Variants in CLTCL1 observed in about 807,000 individuals in gnomAD.
CLTCL1 encodes the protein clathrin heavy chain 2.
In CLTCL1, 159 loss-of-function variants were observed where a neutral mutation model predicts 190.0. The ratio of observed to expected loss-of-function variants is 0.84; its 90% CI spans 0.74 to 0.95. The LOEUF is 0.95. Among genes scored for constraint, CLTCL1 ranks in the 40% least tolerant of loss-of-function variants. The probability of loss-of-function intolerance (pLI) is 0.00; values close to 1 mark genes in which losing one functional copy is unlikely to be tolerated. For missense variants in CLTCL1, 1,878 were observed against 2,033.4 expected, an observed-to-expected ratio of 0.92 and a Z score of 1.47; for synonymous variants, 752 against 769.6, an observed-to-expected ratio of 0.98 and a Z score of 0.38.
At chr22:19,220,598 C>T (rs1475691702) in intron 17 of CLTCL1, among the ~76,000 whole-genome samples, 1 of 152,198 alleles carries the variant, frequency 6.6e-6, no homozygotes, top group African/African-American at 2.4e-5. Flanking sequence ...CTAGCGTGTG[C>T]AGCACTTGCT....
intron 4 of CLTCL1, among the ~76,000 whole-genome samples, chr22:19,239,683 G>A (rs2145928958): frequency 6.6e-6 from 1 of 152,332 alleles, no homozygotes; most frequent in African/African-American, 2.4e-5. Flanking sequence ...ATGAAACAAA[G>A]GGCTCCAGTC....
chr22:19,191,985 C>T (rs192802442), intron 26 of CLTCL1, among the ~76,000 whole-genome samples: 164 of 151,774 alleles, frequency 1.1e-3, no homozygotes, highest in Middle Eastern at 3.4e-3. Context: ...TCCTGGGTCT[C>T]GAGATTTGGC....
Position 19,234,716 on chromosome 22 carries a change from C to T in CLTCL1, c.970-10G>A, listed in dbSNP as rs782047114. 70 of 1,612,266 alleles carry T rather than the reference C, an allele frequency of 4.3e-5. No homozygotes were observed. Among genetic ancestry groups the T allele is most frequent in the Non-Finnish European group, 5.6e-5 (66 of 1,178,656 alleles). On this transcript the variant is annotated splice_polypyrimidine_tract_variant and intron_variant, in intron 6 of 32. Transcript: ENST00000427926. ...CACAAACTGACAGTACCTGTAAGGA[C>T]ACAACAAGTGAGAGCAGCCCGGCCT...
chr22:19,180,707 T>C (rs1601412749), intron 31 of CLTCL1, 24 bp downstream of exon 31: 4 of 1,611,390 alleles, frequency 2.5e-6, no homozygotes, highest in African/African-American at 2.7e-5. Flanking sequence ...CCCCAGGGGG[T>C]TGGGGGCTAC....
chr22:19,241,644 T>A lies in CLTCL1; in HGVS notation c.681+1131A>T, dbSNP rs116589714. On this transcript the variant is annotated intron_variant, in intron 4 of 32. Coordinates refer to ENST00000427926, the MANE Select transcript of CLTCL1 (RefSeq NM_007098.4). ...GAGAAAGTGTTTTTCACAAGACGAC[T>A]GTCTTGAAGCAGCTCTCCAAGTGGC... 5.7e-3 allele frequency among the ~76,000 whole-genome samples: 865 copies of A among 152,342 alleles called. 11 individuals carry two copies. The highest frequency in any genetic ancestry group is 0.019 in the African/African-American group (778 of 41,578).
intron 16 of CLTCL1, 129 bp downstream of exon 16, chr22:19,221,822 A>G: frequency 9.3e-7 from 1 of 1,072,928 alleles, no homozygotes; most frequent in Non-Finnish European, 1.3e-6. Context: ...ATAGCAAGTA[A>G]CTCATTGCTA....
At chr22:19,256,628 G>A (rs1160883344) in intron 2 of CLTCL1, among the ~76,000 whole-genome samples, 3 of 151,456 alleles carry the variant, frequency 2.0e-5, no homozygotes, top group African/African-American at 7.3e-5. Context: ...AAAGTGCTGG[G>A]ATTATAGGCG....
chr22:19,264,366 T>C (rs955592963), intron 2 of CLTCL1, among the ~76,000 whole-genome samples: 2 of 151,906 alleles, frequency 1.3e-5, no homozygotes, highest in Non-Finnish European at 2.9e-5. Flanking sequence ...GTGCAACCAC[T>C]ATAGAAAAGA....
At chr22:19,187,929 G>T in intron 28 of CLTCL1, 52 bp downstream of exon 28, 1 of 1,541,166 alleles carries the variant, frequency 6.5e-7, no homozygotes, top group African/African-American at 1.4e-5. Context: ...AATGGCAGTT[G>T]CAGGGGAGGA....
At chr22:19,291,473 A>T in intron 1 of CLTCL1, 127 bp downstream of exon 1, 2 of 873,242 alleles carry the variant, frequency 2.3e-6, no homozygotes, top group Non-Finnish European at 3.0e-6. Flanking sequence ...CCCAGGTGGG[A>T]GGTCGGAAAT....
intron 2 of CLTCL1, among the ~76,000 whole-genome samples, chr22:19,259,955 T>C (rs1262227916): frequency 6.6e-6 from 1 of 152,228 alleles, no homozygotes; most frequent in Non-Finnish European, 1.5e-5. Context: ...AAATTAAAAG[T>C]GCTATTTCAG....
chr22:19,241,684 C>T (rs782708837), intron 4 of CLTCL1, among the ~76,000 whole-genome samples: 33 of 152,210 alleles, frequency 2.2e-4, no homozygotes, highest in Non-Finnish European at 4.3e-4. Context: ...ACCACAATGG[C>T]GGAACCCAAG....
rs146560981 is a variant in CLTCL1, at chr22:19,183,177, C to T, written c.4827+213G>A. The T allele has an allele frequency of 2.4e-3, 1,307 of 549,730 alleles. 11 individuals carry two copies. Among genetic ancestry groups the T allele is most frequent in the African/African-American group, 0.019 (984 of 52,828 alleles). The allele number at this position is 549,730 out of a possible 1,614,324, so 34.1% of individuals were successfully genotyped here. A position where few individuals can be genotyped will look rare whatever the true frequency, so the allele number is the denominator to read the frequency against. On this transcript the variant is annotated intron_variant, in intron 30 of 32. Transcript: ENST00000427926. ...ACAGGAGGGCTGCTGCCAGTGGGCA[C>T]TCCCCATGATGATTTTCTGGAGGGG... is the stretch of plus-strand genomic sequence containing the variant.
chr22:19,180,203 T>A lies in CLTCL1; in HGVS notation c.*16A>T. On this transcript the variant is annotated 3_prime_UTR_variant, in exon 32 of 33. Transcript: ENST00000427926. The stretch of plus-strand genomic sequence containing the variant: ...GTCTCCAAATGGGACACTTACTTAG[T>A]GCAATCAGCTGGGTCTCATTCATGC... 2 of 1,613,634 alleles carry A rather than the reference T, an allele frequency of 1.2e-6. No individual in the cohort carries two copies. The highest frequency in any genetic ancestry group is 1.7e-6 in the Non-Finnish European group (2 of 1,179,718).
intron 2 of CLTCL1, among the ~76,000 whole-genome samples, chr22:19,262,563 C>T (rs1555976055): frequency 6.7e-6 from 1 of 149,726 alleles, no homozygotes; most frequent in African/African-American, 2.5e-5. Flanking sequence ...ACCCGGGAGG[C>T]GGAGCTTACA....
At chr22:19,219,138 G>A (rs2145737575) in intron 18 of CLTCL1, among the ~76,000 whole-genome samples, 1 of 152,072 alleles carries the variant, frequency 6.6e-6, no homozygotes, top group South Asian at 2.1e-4. Context: ...AGGGGAGAAG[G>A]TTCGTAAGGA....
At chr22:19,193,505 C>T (rs1463646850) in intron 26 of CLTCL1, among the ~76,000 whole-genome samples, 5 of 152,188 alleles carry the variant, frequency 3.3e-5, no homozygotes, top group Non-Finnish European at 5.9e-5. Context: ...CTGGCAGGCC[C>T]GTGCCCACTA....
chr22:19,185,268 G>A (rs2084275078), intron 29 of CLTCL1, among the ~76,000 whole-genome samples: 1 of 152,140 alleles, frequency 6.6e-6, no homozygotes, highest in South Asian at 2.1e-4. Flanking sequence ...ATTCCCTGGG[G>A]TCACAGTCAT....
At chr22:19,213,143 A>T (rs2085285658) in intron 19 of CLTCL1, among the ~76,000 whole-genome samples, 1 of 152,228 alleles carries the variant, frequency 6.6e-6, no homozygotes, top group South Asian at 2.1e-4. Flanking sequence ...CAAACAACCC[A>T]ATTAAAACAC....
Sources: allele counts gnomAD v4.1 joint callset (sites outside exome capture counted in the v4.1 genomes callset), GRCh38; gene constraint gnomAD v4.1.1; transcripts MANE v1.5; gene names NCBI Gene and HGNC (gene_info 2026-07-23, HGNC 2026-07-21).